Variants in CATSPERB observed in about 807,000 individuals in gnomAD.
CATSPERB encodes catsper channel auxiliary subunit beta, also known as cation channel sperm-associated auxiliary subunit beta.
A neutral mutation model predicts 128.3 loss-of-function variants in CATSPERB; 93 were observed. The ratio of observed to expected loss-of-function variants is 0.72; its 90% CI spans 0.61 to 0.86. The LOEUF (loss-of-function observed/expected upper bound fraction) is 0.86. Ranked by LOEUF, CATSPERB falls within the 40% of genes least tolerant of loss-of-function variation. CATSPERB has a pLI of 0.00. For synonymous variants in CATSPERB, 381 were observed against 448.8 expected (o/e 0.85, Z 1.91); for missense variants, 1,153 against 1,329.5 (o/e 0.87, Z 2.06).
chr14:91,598,948 T>C (rs1893560960), intron 22 of CATSPERB, among the ~76,000 whole-genome samples: 1 of 151,668 alleles, frequency 6.6e-6, no homozygotes, highest in East Asian at 1.9e-4. Flanking sequence ...TTCCTGGGCA[T>C]AGGATGAACT....
At chr14:91,584,954 C>T (rs1893271291) in intron 26 of CATSPERB, among the ~76,000 whole-genome samples, 2 of 152,112 alleles carry the variant, frequency 1.3e-5, no homozygotes, top group South Asian at 4.1e-4. Flanking sequence ...TACGTCTTCA[C>T]CAAACTTGAG....
At chr14:91,588,119 C>T (rs770302641) in intron 24 of CATSPERB, 41 bp from the exon 25 acceptor site, 2 of 1,329,964 alleles carry the variant, frequency 1.5e-6, no homozygotes, top group Non-Finnish European at 2.1e-6. Context: ...ACTTATTTTT[C>T]TCATTTTGTA....
At chr14:91,630,515 T>G (rs1862419584) in intron 17 of CATSPERB, among the ~76,000 whole-genome samples, 1 of 152,244 alleles carries the variant, frequency 6.6e-6, no homozygotes, top group Non-Finnish European at 1.5e-5. Flanking sequence ...GCCTGATACC[T>G]GCACTTTTCG....
At chr14:91,603,582 C>A in intron 22 of CATSPERB, 1 of 640,926 alleles carries the variant, frequency 1.6e-6, no homozygotes, top group South Asian at 1.9e-5. Context: ...GCGCACTGCC[C>A]TCAGAAGAGA....
chr14:91,697,414 C>A (rs1895581651), intron 7 of CATSPERB, among the ~76,000 whole-genome samples: 1 of 151,900 alleles, frequency 6.6e-6, no homozygotes, highest in African/African-American at 2.4e-5. Flanking sequence ...AGTGTGAGTA[C>A]TAGAACAGAC....
At chr14:91,655,351 G>C (rs1388568178) in intron 15 of CATSPERB, among the ~76,000 whole-genome samples, 2 of 152,186 alleles carry the variant, frequency 1.3e-5, no homozygotes, top group Non-Finnish European at 2.9e-5. Flanking sequence ...AGGCACCAGA[G>C]ACCGATCTTG....
intron 2 of CATSPERB, among the ~76,000 whole-genome samples, chr14:91,728,014 G>T (rs1896146963): frequency 6.6e-6 from 1 of 152,144 alleles, no homozygotes; most frequent in Non-Finnish European, 1.5e-5. Flanking sequence ...AGTCTCCCCT[G>T]CAGACAACCT....
intron 7 of CATSPERB, among the ~76,000 whole-genome samples, chr14:91,702,764 T>C (rs1398441031): frequency 6.6e-6 from 1 of 151,838 alleles, no homozygotes; most frequent in Non-Finnish European, 1.5e-5. Flanking sequence ...AAATTTGTAA[T>C]ACATTTTATT....
chr14:91,624,649 A>C (rs1272571636), intron 18 of CATSPERB, among the ~76,000 whole-genome samples, 171 bp downstream of exon 18: 4 of 152,158 alleles, frequency 2.6e-5, no homozygotes, highest in East Asian at 3.8e-4. Flanking sequence ...GCCAAAAAAA[A>C]AAAAAACAAA....
chr14:91,723,216 C>G, intron 3 of CATSPERB, 27 bp from the exon 4 acceptor site: 2 of 1,111,560 alleles, frequency 1.8e-6, no homozygotes, highest in African/African-American at 1.6e-5. Flanking sequence ...AAAAAAAAAA[C>G]AACTAATAAC....
intron 22 of CATSPERB, among the ~76,000 whole-genome samples, chr14:91,607,883 G>C (rs1410207494): frequency 6.6e-6 from 1 of 152,114 alleles, no homozygotes; most frequent in Non-Finnish European, 1.5e-5. Flanking sequence ...GAGAGGCAGG[G>C]TGCTGCTGGG....
Position 91,639,143 on chromosome 14 carries a change from T to C in CATSPERB, c.1540A>G (p.Ser514Gly), listed in dbSNP as rs1666044361. The change falls in exon 16 of 27, where the codon AGT (serine) becomes GGT (glycine). Residue 514 changes from serine (S) to glycine (G), a missense_variant. Coordinates refer to ENST00000256343, the MANE Select transcript of CATSPERB (RefSeq NM_024764.4). ...TTTCCAAAGGCTGTGGGTGGTCCAC[T>C]AGCTTCAAAGCGACCCAGAGTCAGC... ...HKLTLGRFEASGPPTAFGNSR... is the reference protein window; with the variant it reads ...HKLTLGRFEAGGPPTAFGNSR... The C allele has an allele frequency of 3.1e-6, 5 of 1,614,120 alleles. No homozygotes were observed. Among genetic ancestry groups the C allele is most frequent in the Non-Finnish European group, 4.2e-6 (5 of 1,179,992 alleles).
At chr14:91,589,999 TC>T (rs941144174) in intron 23 of CATSPERB, among the ~76,000 whole-genome samples, 1 of 152,198 alleles carries the variant, frequency 6.6e-6, no homozygotes, top group Non-Finnish European at 1.5e-5. Flanking sequence ...TGCCACTCTT[TC>T]AGCCAGTCAG....
intron 26 of CATSPERB, among the ~76,000 whole-genome samples, chr14:91,581,995 AG>A (rs1893214319): frequency 6.6e-6 from 1 of 152,216 alleles, no homozygotes; most frequent in Admixed American, 6.5e-5. Flanking sequence ...TGACCCAAGG[AG>A]GTAGCTGATT....
chr14:91,636,715 C>G (rs917473936), intron 16 of CATSPERB, 136 bp from the exon 17 acceptor site: 5 of 760,790 alleles, frequency 6.6e-6, no homozygotes, highest in African/African-American at 1.8e-5. Context: ...AATAAGTCAA[C>G]GTGTTCTGTT....
At position 91,621,759 on chromosome 14, in the gene CATSPERB, A is replaced by C. The variant is rs200899875; in HGVS notation, c.2109T>G (p.Phe703Leu). The change falls in exon 19 of 27, where the codon TTT becomes TTG. Residue 703 changes from phenylalanine (F) to leucine (L), a missense_variant. Phe to Leu is a conservative substitution (Grantham distance 22). Coordinates refer to ENST00000256343, the MANE Select transcript of CATSPERB (RefSeq NM_024764.4). ...TCCATGTTCGTCCATTCCTTTGCCC[A>C]AAGTTGTATAAGAACCATGTGCTCT... ...FLKSTWFLYN[F>L]GQRNGRTWKI... The C allele has an allele frequency of 2.2e-5, 36 of 1,614,170 alleles. No homozygotes were observed. The East Asian group carries it at 8.0e-4, about 36-fold the overall frequency.
intron 6 of CATSPERB, among the ~76,000 whole-genome samples, chr14:91,707,115 A>G (rs1895744706): frequency 6.6e-6 from 1 of 152,186 alleles, no homozygotes; most frequent in South Asian, 2.1e-4. Context: ...TAAAGTCCAC[A>G]CTTTTTACCA....
chr14:91,727,903 A>G (rs1896144681), intron 2 of CATSPERB, among the ~76,000 whole-genome samples: 1 of 152,204 alleles, frequency 6.6e-6, no homozygotes, highest in Non-Finnish European at 1.5e-5. Context: ...AACGTCATAT[A>G]ACTAACAACA....
intron 11 of CATSPERB, among the ~76,000 whole-genome samples, chr14:91,674,616 C>T (rs1301392935): frequency 3.3e-5 from 5 of 151,898 alleles, no homozygotes; most frequent in African/African-American, 9.7e-5. Context: ...TGATTTTTGC[C>T]TTGAAAACAT....
Sources: allele counts gnomAD v4.1 joint callset (sites outside exome capture counted in the v4.1 genomes callset), GRCh38; gene constraint gnomAD v4.1.1; transcripts MANE v1.5; gene names NCBI Gene and HGNC (gene_info 2026-07-23, HGNC 2026-07-21).